Variants in ANKRD27 observed in about 807,000 individuals in gnomAD.
ANKRD27 encodes the protein ankyrin repeat domain-containing protein 27.
ANKRD27 carries 112 observed loss-of-function variants against 129.7 expected under a neutral mutation model. That is an observed-to-expected ratio of 0.86 (90% CI 0.74 to 1.01). The LOEUF (loss-of-function observed/expected upper bound fraction) is 1.01. Ranked by LOEUF, ANKRD27 falls within the 50% of genes least tolerant of loss-of-function variation. The pLI, the probability that ANKRD27 is intolerant of heterozygous loss-of-function variation, is 0.00. For missense variants in ANKRD27, 1,258 were observed against 1,300.5 expected, an observed-to-expected ratio of 0.97 and a Z score of 0.50; for synonymous variants, 516 against 511.2, an observed-to-expected ratio of 1.01 and a Z score of -0.13.
At chr19:32,674,393 C>G (rs775278229) in intron 1 of ANKRD27, among the ~76,000 whole-genome samples, 2 of 152,186 alleles carry the variant, frequency 1.3e-5, no homozygotes, top group Admixed American at 6.5e-5. Flanking sequence ...TCGCCCAGCA[C>G]AGGCCGCGAG....
chr19:32,662,913 G>A (rs956973221), intron 1 of ANKRD27, among the ~76,000 whole-genome samples: 4 of 151,976 alleles, frequency 2.6e-5, no homozygotes, highest in African/African-American at 9.7e-5. Flanking sequence ...GTGATGGCAT[G>A]TGCCTGTAAT....
intron 14 of ANKRD27, 98 bp downstream of exon 14, chr19:32,628,624 C>T: frequency 1.4e-6 from 2 of 1,471,684 alleles, no homozygotes; most frequent in Non-Finnish European, 1.8e-6. Context: ...GCAGGGAGGA[C>T]AGTCCTTATC....
chr19:32,645,683 AGT>A (rs1967289245), intron 4 of ANKRD27, among the ~76,000 whole-genome samples: 1 of 151,772 alleles, frequency 6.6e-6, no homozygotes, highest in South Asian at 2.1e-4. Context: ...CCCAGGCTGG[AGT>A]GCAGTGGTGC....
At chr19:32,644,544 C>T in intron 4 of ANKRD27, 65 bp from the exon 5 acceptor site, 2 of 1,577,732 alleles carry the variant, frequency 1.3e-6, no homozygotes, top group South Asian at 1.1e-5. Context: ...CTGTCCTATC[C>T]TACAGGGCCT....
chr19:32,598,770 G>A (rs1330158800), intron 28 of ANKRD27, among the ~76,000 whole-genome samples: 3 of 151,632 alleles, frequency 2.0e-5, no homozygotes, highest in Non-Finnish European at 4.4e-5. Context: ...AGGTCTCCTA[G>A]CAACACCACA....
chr19:32,630,939 C>T (rs1409275700), intron 13 of ANKRD27, among the ~76,000 whole-genome samples: 2 of 151,674 alleles, frequency 1.3e-5, no homozygotes, highest in Non-Finnish European at 2.9e-5. Context: ...GCCTTGATCC[C>T]AAATTTAAAA....
At chr19:32,631,012 C>CA (rs1966982641) in intron 13 of ANKRD27, among the ~76,000 whole-genome samples, 1 of 152,100 alleles carries the variant, frequency 6.6e-6, no homozygotes, top group East Asian at 1.9e-4. Flanking sequence ...TGCAGACCAC[C>CA]ACCCTGATCA....
intron 1 of ANKRD27, among the ~76,000 whole-genome samples, chr19:32,669,658 T>C (rs1050093151): frequency 6.6e-6 from 1 of 152,098 alleles, no homozygotes; most frequent in Non-Finnish European, 1.5e-5. Context: ...CAGGCTTCCA[T>C]GGACGAACTA....
chr19:32,612,481 C>T (rs985336948), intron 22 of ANKRD27, among the ~76,000 whole-genome samples: 4 of 152,198 alleles, frequency 2.6e-5, no homozygotes, highest in African/African-American at 9.6e-5. Context: ...TGGCAAGGCA[C>T]AGGCCATAGA....
In ANKRD27 at chr19:32,674,547, A is replaced by G. The variant is rs1277666201; in HGVS notation, c.-31+524T>C. ...GGTGCTTAAGAGTTTTCCTTTAACAATCTTTACCTGTGGGAATGCAGAGAC... is the reference window on the plus strand; with the variant it reads ...GGTGCTTAAGAGTTTTCCTTTAACAGTCTTTACCTGTGGGAATGCAGAGAC... On this transcript the variant is annotated intron_variant, in intron 1 of 28. Coordinates refer to ENST00000306065, the MANE Select transcript of ANKRD27 (RefSeq NM_032139.3). 6.3e-5 allele frequency among the ~76,000 whole-genome samples: 9 copies of G among 142,082 alleles called. No homozygotes were observed. The East Asian group carries it at 1.9e-3, about 30-fold the overall frequency. The allele number at this position is 142,082 out of a possible 152,430, so 93.2% of individuals were successfully genotyped here.
chr19:32,598,048 C>G lies in ANKRD27; in HGVS notation c.*97G>C. The G allele has an allele frequency of 1.7e-6, 2 of 1,171,242 alleles. No homozygotes were observed. Among genetic ancestry groups the G allele is most frequent in the Non-Finnish European group, 2.5e-6 (2 of 799,814 alleles). The allele number at this position is 1,171,242 out of a possible 1,614,324, so 72.6% of individuals were successfully genotyped here. A position where few individuals can be genotyped will look rare whatever the true frequency, so the allele number is the denominator to read the frequency against. ...TGCTGAAGACTTCTCAAGCCAGTCT[C>G]ATGGAAGCACATTTAGTTCTCAGAT... is the stretch of plus-strand genomic sequence containing the variant. On this transcript the variant is annotated 3_prime_UTR_variant, in exon 29 of 29. Transcript: ENST00000306065.
chr19:32,669,530 T>C (rs1360306500), intron 1 of ANKRD27, among the ~76,000 whole-genome samples: 2 of 152,166 alleles, frequency 1.3e-5, no homozygotes, highest in African/African-American at 4.8e-5. Context: ...ATGAAAGCCA[T>C]GTGAGAAACA....
rs1294267717 is a variant in ANKRD27, at chr19:32,597,861, A to ATACT, written c.*280_*283dup. 2 of 467,804 alleles carry ATACT rather than the reference A, an allele frequency of 4.3e-6. No individual in the cohort carries two copies. Among genetic ancestry groups the ATACT allele is most frequent in the African/African-American group, 3.9e-5 (2 of 51,076 alleles). 29.0% of individuals were successfully genotyped at this position (467,804 alleles called of 1,614,324 possible). A position where few individuals can be genotyped will look rare whatever the true frequency, so the allele number is the denominator to read the frequency against. Reference sequence around the variant, plus strand: ...CTCCCACTGTGACCAACAAACCCTCATACTTAAAAAGAAGCATGCACCTCT... The same window carrying ATACT: ...CTCCCACTGTGACCAACAAACCCTCATACTTACTTAAAAAGAAGCATGCACCTCT... On this transcript the variant is annotated 3_prime_UTR_variant, in exon 29 of 29. Transcript: ENST00000306065.
At chr19:32,650,801 G>C (rs1443906285) in intron 2 of ANKRD27, among the ~76,000 whole-genome samples, 1 of 147,018 alleles carries the variant, frequency 6.8e-6, no homozygotes, top group Non-Finnish European at 1.5e-5. Flanking sequence ...CGAGGCTGGA[G>C]TGCAGTGGCG....
intron 23 of ANKRD27, among the ~76,000 whole-genome samples, chr19:32,606,238 C>T (rs10406750): frequency 0.18 from 27,737 of 150,192 alleles, 3,214 homozygotes; most frequent in East Asian, 0.32. Context: ...CTCCAGCCTC[C>T]GCCTCCCAGG....
At chr19:32,629,586 G>A (rs542957994) in intron 13 of ANKRD27, among the ~76,000 whole-genome samples, 1 of 152,236 alleles carries the variant, frequency 6.6e-6, no homozygotes, top group African/African-American at 2.4e-5. Flanking sequence ...TGTAATCCCA[G>A]CGACTCGGGA....
At position 32,628,719 on chromosome 19, in the gene ANKRD27, T is replaced by C; in HGVS notation, c.1337+3A>G. 6.2e-7 allele frequency: 1 copy of C among 1,613,754 alleles called. No homozygotes were observed. The highest frequency in any genetic ancestry group is 8.5e-7 in the Non-Finnish European group (1 of 1,179,776). On this transcript the variant is annotated splice_donor_region_variant and intron_variant, in intron 14 of 28. Coordinates refer to ENST00000306065, the MANE Select transcript of ANKRD27 (RefSeq NM_032139.3). ...CTCTGAGCCTCCACCAGCACCCTCT[T>C]ACCCAGAGACGAGTTTCTCACAGTC...
intron 10 of ANKRD27, among the ~76,000 whole-genome samples, chr19:32,641,637 G>C (rs1967201933): frequency 1.3e-5 from 2 of 151,964 alleles, no homozygotes; most frequent in Admixed American, 1.3e-4. Context: ...CTTTGATGCT[G>C]TTGGCTGGAA....
At chr19:32,675,006 G>A (rs1190434712) in intron 1 of ANKRD27, 65 bp downstream of exon 1, 2 of 152,134 alleles carry the variant, frequency 1.3e-5, no homozygotes, top group Admixed American at 6.5e-5. Flanking sequence ...CGGCCGCCGC[G>A]CCCCGAGGCG....
Sources: allele counts gnomAD v4.1 joint callset (sites outside exome capture counted in the v4.1 genomes callset), GRCh38; gene constraint gnomAD v4.1.1; transcripts MANE v1.5; gene names NCBI Gene and HGNC (gene_info 2026-07-23, HGNC 2026-07-21).